TAS2R1: variants seen among roughly 807,000 people sequenced by gnomAD.
The protein encoded by TAS2R1 is taste receptor type 2 member 1.
For synonymous variants in TAS2R1, 141 were observed against 134.2 expected (o/e 1.05, Z -0.35); for missense variants, 370 against 353.4 (o/e 1.05, Z -0.38).
the TAS2R1 span, among the ~76,000 whole-genome samples, chr5:9,733,793 T>C: frequency 7.2e-5 from 11 of 151,738 alleles, no homozygotes; most frequent in Non-Finnish European, 1.3e-4. Context: ...GCTCAGGTTT[T>C]CACCTAATTT....
chr5:9,763,056 G>C, the TAS2R1 span, among the ~76,000 whole-genome samples: 1 of 152,184 alleles, frequency 6.6e-6, no homozygotes, highest in South Asian at 2.1e-4. Context: ...ATTACTGAAA[G>C]GACAAGCATA....
At chr5:9,709,536 T>C (rs550403164) in intron 1 of TAS2R1, among the ~76,000 whole-genome samples, 2 of 152,294 alleles carry the variant, frequency 1.3e-5, no homozygotes, top group African/African-American at 4.8e-5. Context: ...CAAAAGAACA[T>C]GGCAGAAGTG....
intron 2 of TAS2R1, among the ~76,000 whole-genome samples, chr5:9,649,316 T>C (rs1286660504): frequency 6.6e-6 from 1 of 152,224 alleles, no homozygotes; most frequent in Non-Finnish European, 1.5e-5. Flanking sequence ...TGAAATAAGT[T>C]ATCTGCCACT....
the TAS2R1 span, among the ~76,000 whole-genome samples, chr5:9,890,719 ATTAT>A: frequency 1.3e-5 from 2 of 152,210 alleles, no homozygotes; most frequent in African/African-American, 2.4e-5. Flanking sequence ...CTCACTTTAC[ATTAT>A]TTGTTTCCTT....
chr5:9,838,072 G>A, the TAS2R1 span, among the ~76,000 whole-genome samples: 1 of 152,190 alleles, frequency 6.6e-6, no homozygotes, highest in Non-Finnish European at 1.5e-5. Context: ...TGGATGAAAT[G>A]CAGAGACAAC....
At chr5:9,647,447 C>A (rs1177250252) in intron 2 of TAS2R1, among the ~76,000 whole-genome samples, 1 of 152,128 alleles carries the variant, frequency 6.6e-6, no homozygotes, top group Non-Finnish European at 1.5e-5. Context: ...GAGAGCTGTG[C>A]AAACCCCACA....
At chr5:9,718,684 T>G in the TAS2R1 span, among the ~76,000 whole-genome samples, 3,170 of 152,258 alleles carry the variant, frequency 0.021, 118 homozygotes, top group African/African-American at 0.07. Context: ...GGCAACATTT[T>G]TGACCAGGTG....
intron 2 of TAS2R1, among the ~76,000 whole-genome samples, chr5:9,647,832 AT>A (rs1389459066): frequency 3.3e-5 from 5 of 152,134 alleles, no homozygotes; most frequent in African/African-American, 1.2e-4. Context: ...TTTATTATCT[AT>A]TCTCCCTGCC....
intron 1 of TAS2R1, among the ~76,000 whole-genome samples, chr5:9,697,460 CA>C (rs1452580123): frequency 7.2e-5 from 11 of 151,792 alleles, no homozygotes; most frequent in African/African-American, 2.7e-4. Flanking sequence ...CACATTAGGC[CA>C]AAGAGTGACA....
intron 2 of TAS2R1, among the ~76,000 whole-genome samples, chr5:9,658,193 A>G (rs1740454564): frequency 6.6e-6 from 1 of 152,242 alleles, no homozygotes; most frequent in South Asian, 2.1e-4. Context: ...GGTAGTATTC[A>G]GAAAACACTT....
chr5:9,778,748 AGAAAGTTAGGGCCTTGCTCTG>A, the TAS2R1 span, among the ~76,000 whole-genome samples: 6 of 152,208 alleles, frequency 3.9e-5, no homozygotes, highest in Non-Finnish European at 7.4e-5. Flanking sequence ...CTCTCTCAAA[AGAAAGTTAGGGCCTTGCTCTG>A]GATTAGGCTT....
upstream of TAS2R1, among the ~76,000 whole-genome samples, chr5:9,633,294 T>TATATATATATATATATATATATATA (rs1476544403): frequency 1.1e-3 from 74 of 67,676 alleles, no homozygotes; most frequent in East Asian, 7.3e-3. Flanking sequence ...TGTGTGTATA[T>TATATATATATATATATATATATATA]TATATATATA....
rs763053165 is a variant in TAS2R1 at position 9,629,067 on chromosome 5, G to T, written c.*66C>A. On this transcript the variant is annotated 3_prime_UTR_variant, in exon 1 of 1. Coordinates refer to ENST00000382492, the MANE Select transcript of TAS2R1 (RefSeq NM_019599.3). Reference sequence around the variant, plus strand: ...TGAACAGGCTGCTTTGTCTGGCTGAGGGAAGTGTGGCAGGCATGGGTAAAT... The same window carrying T: ...TGAACAGGCTGCTTTGTCTGGCTGATGGAAGTGTGGCAGGCATGGGTAAAT... 34 of 1,466,592 alleles carry T rather than the reference G, an allele frequency of 2.3e-5. No homozygotes were observed. The highest frequency in any genetic ancestry group is 3.1e-5 in the Non-Finnish European group (34 of 1,101,142). The allele number at this position is 1,466,592 out of a possible 1,614,324, so 90.8% of individuals were successfully genotyped here.
chr5:9,803,154 T>C, the TAS2R1 span, among the ~76,000 whole-genome samples: 2 of 152,212 alleles, frequency 1.3e-5, no homozygotes, highest in African/African-American at 4.8e-5. Flanking sequence ...ATGTCAGAGC[T>C]TGAAGACCAG....
chr5:9,788,691 G>A, the TAS2R1 span, among the ~76,000 whole-genome samples: 3 of 152,126 alleles, frequency 2.0e-5, no homozygotes, highest in Non-Finnish European at 4.4e-5. Context: ...AGAGAAATGT[G>A]GCATCTTGTA....
chr5:9,637,367 C>T lies in TAS2R1; in HGVS notation c.-80-7375G>A, dbSNP rs749868266. Among the ~76,000 whole-genome samples the T allele has an allele frequency of 4.8e-4, 73 of 152,184 alleles. 1 individual carries two copies. Among genetic ancestry groups the T allele is most frequent in the African/African-American group, 1.6e-3 (67 of 41,514 alleles). ...GTTTCACAGCTCTTAAGATTCTTTCCTTTGTCTTGACTTTAGATAACTTGG... is the reference window on the plus strand; with the variant it reads ...GTTTCACAGCTCTTAAGATTCTTTCTTTTGTCTTGACTTTAGATAACTTGG... On this transcript the variant is annotated intron_variant, in intron 2 of 2. Transcript: ENST00000506620.
At chr5:9,704,270 T>A (rs1231985231) in intron 1 of TAS2R1, among the ~76,000 whole-genome samples, 1 of 152,074 alleles carries the variant, frequency 6.6e-6, no homozygotes, top group Non-Finnish European at 1.5e-5. Flanking sequence ...CATTACCATT[T>A]CTTCCCTCAA....
chr5:9,872,586 A>G, the TAS2R1 span, among the ~76,000 whole-genome samples: 2 of 152,190 alleles, frequency 1.3e-5, no homozygotes, highest in Non-Finnish European at 2.9e-5. Context: ...CTGCCCTTAC[A>G]ATAACTCTGG....
the TAS2R1 span, among the ~76,000 whole-genome samples, chr5:9,766,463 A>G: frequency 2.6e-5 from 4 of 152,256 alleles, no homozygotes; most frequent in African/African-American, 7.2e-5. Flanking sequence ...TGATCAATAC[A>G]GAATGGTGGT....
Sources: gnomAD v4.1 joint callset for allele counts (sites outside exome capture counted in the v4.1 genomes callset) on GRCh38, gnomAD v4.1.1 for gene constraint, MANE v1.5 for transcripts, NCBI Gene and HGNC (gene_info 2026-07-23, HGNC 2026-07-21) for gene names.